Variants in ALG9 observed in about 807,000 individuals in gnomAD.
The protein encoded by ALG9 is ALG9 alpha-1,2-mannosyltransferase.
In ALG9, 55 loss-of-function variants were observed where a neutral mutation model predicts 81.8. The observed-to-expected ratio is 0.67, with a 90% confidence interval of 0.54 to 0.84. The LOEUF (loss-of-function observed/expected upper bound fraction) is 0.84. Among genes scored for constraint, ALG9 ranks in the 40% least tolerant of loss-of-function variants. The pLI is 0.00. For missense variants in ALG9, 629 were observed against 745.0 expected (o/e 0.84, Z 1.81); for synonymous variants, 278 against 274.3 (o/e 1.01, Z -0.13).
At chr11:111,778,062 T>G (rs1453391704), downstream of ALG9, 1 of 152,182 alleles carries the variant, frequency 6.6e-6, no homozygotes, top group Non-Finnish European at 1.5e-5. Context: ...CTACTTATAT[T>G]TTAAAGCCAA....
At chr11:111,791,939 T>G (rs1947486948) in intron 14 of ALG9, among the ~76,000 whole-genome samples, 1 of 152,156 alleles carries the variant, frequency 6.6e-6, no homozygotes, top group Non-Finnish European at 1.5e-5. Context: ...CAAAATTAGT[T>G]GGCTGTGGTG....
At chr11:111,865,147 A>G in intron 4 of ALG9, 34 bp downstream of exon 4, 1 of 1,482,160 alleles carries the variant, frequency 6.7e-7, no homozygotes. Flanking sequence ...GGGTTTCCTC[A>G]CAGCACTTTT....
intron 13 of ALG9, among the ~76,000 whole-genome samples, chr11:111,826,366 C>G (rs1246428786): frequency 7.2e-6 from 1 of 139,586 alleles, no homozygotes; most frequent in Admixed American, 7.4e-5. Context: ...GCCTGGATGA[C>G]AAAATAAACA....
intron 8 of ALG9, among the ~76,000 whole-genome samples, chr11:111,849,108 T>G (rs566874389): frequency 1.9e-4 from 29 of 152,160 alleles, no homozygotes; most frequent in African/African-American, 5.3e-4. Flanking sequence ...TGGAGTGCAG[T>G]CGTGCAGTTT....
chr11:111,817,777 C>CT (rs530765413), intron 13 of ALG9, among the ~76,000 whole-genome samples: 3,289 of 132,390 alleles, frequency 0.025, 61 homozygotes, highest in Middle Eastern at 0.067. Context: ...ACTTGTATTT[C>CT]TTTTTTTTTT....
intron 14 of ALG9, among the ~76,000 whole-genome samples, chr11:111,799,446 CTT>C (rs35858293): frequency 5.2e-4 from 74 of 141,360 alleles, no homozygotes; most frequent in Non-Finnish European, 4.3e-4. Flanking sequence ...CGGCTGATTC[CTT>C]TTTTTTTTTT....
intron 14 of ALG9, among the ~76,000 whole-genome samples, chr11:111,798,563 A>G (rs576770612): frequency 6.6e-6 from 1 of 152,290 alleles, no homozygotes; most frequent in South Asian, 2.1e-4. Flanking sequence ...CAGCTATTTC[A>G]TTCATGTAAC....
At chr11:111,847,074 G>C (rs1410550799) in intron 8 of ALG9, among the ~76,000 whole-genome samples, 7 of 152,060 alleles carry the variant, frequency 4.6e-5, no homozygotes, top group African/African-American at 1.7e-4. Context: ...GAATGAAGGA[G>C]AACTACTTCC....
chr11:111,863,844 A>C (rs1047167113), intron 4 of ALG9, among the ~76,000 whole-genome samples: 1 of 152,234 alleles, frequency 6.6e-6, no homozygotes, highest in Non-Finnish European at 1.5e-5. Flanking sequence ...ATGATCCTGT[A>C]TCTTAGGACC....
intron 14 of ALG9, among the ~76,000 whole-genome samples, chr11:111,804,459 C>T (rs1555083322): frequency 6.6e-6 from 1 of 152,098 alleles, no homozygotes; most frequent in Non-Finnish European, 1.5e-5. Flanking sequence ...GGTGTGGTGG[C>T]TCATGCCTGT....
intron 9 of ALG9, among the ~76,000 whole-genome samples, chr11:111,844,336 C>T (rs1267429709): frequency 6.6e-6 from 1 of 152,140 alleles, no homozygotes; most frequent in African/African-American, 2.4e-5. Flanking sequence ...TTTTTACTTC[C>T]CTGGGTGATT....
At chr11:111,831,933 A>G (rs562745027) in intron 13 of ALG9, among the ~76,000 whole-genome samples, 1 of 152,350 alleles carries the variant, frequency 6.6e-6, no homozygotes, top group African/African-American at 2.4e-5. Context: ...TTTGCATTTG[A>G]TTATGTCATT....
Position 111,797,686 on chromosome 11 carries a change from G to A in ALG9, c.1734-11166C>T, listed in dbSNP as rs576055798. On this transcript the variant is annotated intron_variant, in intron 14 of 14. Transcript: ENST00000616540. ...AGTTCTGCTTATGCTGGAGCTAAGGGCTGGCTCCCTTCAACCAGATTACTC... is the reference window on the plus strand; with the variant it reads ...AGTTCTGCTTATGCTGGAGCTAAGGACTGGCTCCCTTCAACCAGATTACTC... 4.6e-5 allele frequency among the ~76,000 whole-genome samples: 7 copies of A among 152,298 alleles called. No individual in the cohort carries two copies. In the South Asian group the frequency reaches 1.5e-3, roughly 32 times the overall value.
Position 111,837,539 on chromosome 11 carries a change from T to G in ALG9, c.1401A>C (p.Glu467Asp). ...ATDPTIHTVPEGRPVNVCVGK... is the reference protein window; with the variant it reads ...ATDPTIHTVPDGRPVNVCVGK... ...CCACACAGACATTCACAGGTCTGCC[T>G]TCTGGGACAGTGTGGATGGTTGGGT... is the stretch of plus-strand genomic sequence containing the variant. Residue 467 changes from glutamate (E) to aspartate (D), a missense_variant, in exon 12 of 15, where the codon GAA becomes GAC. This residue lies in a region of ALG9 where 264 missense variants were observed against 302.2 expected (regional missense o/e 0.87). Transcript: ENST00000616540. The G allele has an allele frequency of 1.2e-6, 2 of 1,614,114 alleles. No individual in the cohort carries two copies. Among genetic ancestry groups the G allele is most frequent in the South Asian group, 2.2e-5 (2 of 91,074 alleles).
chr11:111,848,971 G>A (rs375375931), intron 8 of ALG9, among the ~76,000 whole-genome samples: 15 of 152,142 alleles, frequency 9.9e-5, no homozygotes, highest in African/African-American at 3.6e-4. Flanking sequence ...TTGTGTGTCT[G>A]CAGCCTAATT....
chr11:111,812,230 T>C (rs1555092140), intron 13 of ALG9, among the ~76,000 whole-genome samples: 1 of 152,098 alleles, frequency 6.6e-6, no homozygotes, highest in African/African-American at 2.4e-5. Flanking sequence ...TTCTAAAATG[T>C]GTATGGAAAG....
chr11:111,831,187 C>G (rs1954307949), intron 13 of ALG9, among the ~76,000 whole-genome samples: 1 of 152,132 alleles, frequency 6.6e-6, no homozygotes, highest in African/African-American at 2.4e-5. Flanking sequence ...ATTACAGGTG[C>G]ACATCATCAT....
chr11:111,825,186 G>A (rs1470280138), intron 13 of ALG9, among the ~76,000 whole-genome samples: 1 of 152,152 alleles, frequency 6.6e-6, no homozygotes, highest in Non-Finnish European at 1.5e-5. Context: ...AACAAGGTTT[G>A]GGGAGGCCTC....
intron 14 of ALG9, chr11:111,798,250 A>G: frequency 3.5e-6 from 1 of 286,120 alleles, no homozygotes; most frequent in Non-Finnish European, 6.9e-6. Context: ...CCCCAAACTA[A>G]AGGTGAAAGC....
Sources: allele counts gnomAD v4.1 joint callset (sites outside exome capture counted in the v4.1 genomes callset), GRCh38; gene constraint gnomAD v4.1.1; regional missense constraint gnomAD v4.1.1; transcripts MANE v1.5; gene names NCBI Gene and HGNC (gene_info 2026-07-23, HGNC 2026-07-21).